The following FHIT variants were observed in gnomAD, a reference collection of about 807,000 sequenced individuals.
FHIT encodes bis(5'-adenosyl)-triphosphatase.
Under a neutral mutation model 17.9 loss-of-function variants are expected in FHIT, and 19 were observed. The observed-to-expected ratio is 1.06, with a 90% CI of 0.74 to 1.56. The LOEUF (loss-of-function observed/expected upper bound fraction) is 1.56. FHIT is among the 40% of genes most tolerant of loss of function. FHIT has a pLI of 0.00. For missense variants in FHIT, 248 were observed against 189.2 expected (o/e 1.31, Z -1.82); for synonymous variants, 81 against 69.7 (o/e 1.16, Z -0.81).
intron 8 of FHIT, among the ~76,000 whole-genome samples, chr3:59,877,455 G>A (rs972403764): frequency 6.6e-6 from 1 of 152,194 alleles, no homozygotes; most frequent in Non-Finnish European, 1.5e-5. Context: ...CAAGCAGCAA[G>A]AGATAACAAG....
At chr3:61,225,221 G>A (rs2039939641) in intron 1 of FHIT, among the ~76,000 whole-genome samples, 1 of 152,156 alleles carries the variant, frequency 6.6e-6, no homozygotes, top group Admixed American at 6.5e-5. Context: ...CAGACCACCA[G>A]ATGCTTATTC....
chr3:60,693,858 A>G (rs139613188), intron 4 of FHIT, among the ~76,000 whole-genome samples: 15 of 152,328 alleles, frequency 9.8e-5, no homozygotes, highest in African/African-American at 3.6e-4. Context: ...CATTGGACAC[A>G]ATTGTTCTGG....
intron 4 of FHIT, among the ~76,000 whole-genome samples, chr3:60,810,397 C>T (rs536766239): frequency 1.8e-3 from 268 of 152,212 alleles, no homozygotes; most frequent in African/African-American, 6.1e-3. Flanking sequence ...TGCCTCTTTC[C>T]CATAGGAGCG....
chr3:60,536,853 A>C lies in FHIT; in HGVS notation c.103+7T>G. 6.3e-7 allele frequency: 1 copy of C among 1,576,206 alleles called. No homozygotes were observed. Among genetic ancestry groups the C allele is most frequent in the South Asian group, 1.2e-5 (1 of 83,604 alleles). ...TTTCCCTCTCCAAAAAAAAAAAGAAAGGATACGTCCTGGTACCACAGGTTT... is the reference window on the plus strand; with the variant it reads ...TTTCCCTCTCCAAAAAAAAAAAGAACGGATACGTCCTGGTACCACAGGTTT... On this transcript the variant is annotated splice_region_variant and intron_variant, in intron 5 of 9. Coordinates refer to ENST00000492590, the MANE Select transcript of FHIT (RefSeq NM_002012.4).
At chr3:60,356,209 T>C (rs1241886414) in intron 5 of FHIT, among the ~76,000 whole-genome samples, 1 of 152,210 alleles carries the variant, frequency 6.6e-6, no homozygotes, top group Non-Finnish European at 1.5e-5. Flanking sequence ...TATCAGCCTA[T>C]AACAACGCTG....
intron 5 of FHIT, among the ~76,000 whole-genome samples, chr3:60,419,169 TTAC>T (rs2107257278): frequency 1.3e-5 from 2 of 152,272 alleles, no homozygotes; most frequent in African/African-American, 2.4e-5. Context: ...CTTAGACAAG[TTAC>T]TACATTTTCC....
intron 5 of FHIT, among the ~76,000 whole-genome samples, chr3:60,149,240 T>A (rs2107323912): frequency 6.6e-6 from 1 of 152,254 alleles, no homozygotes; most frequent in African/African-American, 2.4e-5. Context: ...AGGAAAGCTA[T>A]GGAAATAGGC....
chr3:60,812,626 C>T (rs868968266), intron 4 of FHIT, among the ~76,000 whole-genome samples: 2 of 152,154 alleles, frequency 1.3e-5, no homozygotes. Context: ...TCACAGTACA[C>T]GAATTCTAAC....
chr3:60,843,301 C>G (rs1379639798), intron 3 of FHIT, among the ~76,000 whole-genome samples: 2 of 151,936 alleles, frequency 1.3e-5, no homozygotes, highest in East Asian at 1.9e-4. Context: ...TTTTTTCTCA[C>G]AAAAGAGAAG....
chr3:59,768,906 C>G (rs1438321455), intron 8 of FHIT, among the ~76,000 whole-genome samples: 1 of 152,122 alleles, frequency 6.6e-6, no homozygotes, highest in Non-Finnish European at 1.5e-5. Context: ...TAAAATGTAA[C>G]TATATTTACT....
intron 3 of FHIT, among the ~76,000 whole-genome samples, chr3:60,962,682 G>C (rs1553781483): frequency 1.3e-5 from 2 of 152,186 alleles, no homozygotes; most frequent in African/African-American, 4.8e-5. Context: ...CATCTACTGA[G>C]ATAATCATGT....
At chr3:60,179,527 C>A (rs530804868) in intron 5 of FHIT, among the ~76,000 whole-genome samples, 79 of 152,184 alleles carry the variant, frequency 5.2e-4, no homozygotes, top group African/African-American at 1.8e-3. Context: ...TGAGAATATG[C>A]CAAATTAAAT....
intron 5 of FHIT, among the ~76,000 whole-genome samples, chr3:60,277,792 A>C (rs1707228389): frequency 6.6e-6 from 1 of 152,054 alleles, no homozygotes; most frequent in African/African-American, 2.4e-5. Context: ...CTCAGCTCCC[A>C]AACTCACTCC....
chr3:60,381,642 T>C (rs1409789456), intron 5 of FHIT, among the ~76,000 whole-genome samples: 1 of 152,376 alleles, frequency 6.6e-6, no homozygotes, highest in African/African-American at 2.4e-5. Flanking sequence ...TCTCTTTCGA[T>C]AGTAGAGATG....
chr3:59,820,027 G>A (rs977909252), intron 8 of FHIT, among the ~76,000 whole-genome samples: 4 of 152,180 alleles, frequency 2.6e-5, no homozygotes, highest in Admixed American at 6.5e-5. Context: ...AACCCAATCC[G>A]CTGGCACCTT....
intron 3 of FHIT, among the ~76,000 whole-genome samples, chr3:60,954,352 C>T (rs1402162037): frequency 6.6e-6 from 1 of 152,166 alleles, no homozygotes; most frequent in African/African-American, 2.4e-5. Context: ...CTTTTTACGA[C>T]CATTTCCTGA....
At chr3:60,489,733 TC>T (rs1406173018) in intron 5 of FHIT, among the ~76,000 whole-genome samples, 2 of 152,232 alleles carry the variant, frequency 1.3e-5, no homozygotes, top group African/African-American at 4.8e-5. Flanking sequence ...TTTGGGGATC[TC>T]TGCCTAGGTT....
intron 5 of FHIT, among the ~76,000 whole-genome samples, chr3:60,488,602 G>T (rs1375779186): frequency 6.6e-6 from 1 of 152,046 alleles, no homozygotes; most frequent in East Asian, 1.9e-4. Context: ...CAGGGTAGGG[G>T]ATATTCTCAG....
intron 5 of FHIT, among the ~76,000 whole-genome samples, chr3:60,421,593 T>G (rs1702468543): frequency 6.6e-6 from 1 of 152,128 alleles, no homozygotes; most frequent in East Asian, 1.9e-4. Flanking sequence ...TTTTATTTTG[T>G]TAGGTATTCC....
Sources: allele counts gnomAD v4.1 joint callset (sites outside exome capture counted in the v4.1 genomes callset), GRCh38; gene constraint gnomAD v4.1.1; transcripts MANE v1.5; gene names NCBI Gene and HGNC (gene_info 2026-07-23, HGNC 2026-07-21).